Variants in NRG1 observed in about 807,000 individuals in gnomAD.
NRG1 encodes the protein neuregulin 1, also known as pro-neuregulin-1, membrane-bound isoform.
Under a neutral mutation model 63.8 loss-of-function variants are expected in NRG1, and 18 were observed. The ratio of observed to expected loss-of-function variants is 0.28; its 90% confidence interval spans 0.19 to 0.42. NRG1 has a LOEUF of 0.42. Among genes scored for constraint, NRG1 ranks in the 10% least tolerant of loss-of-function variants. The pLI, the probability that NRG1 is intolerant of heterozygous loss-of-function variation, is 1.00. For synonymous variants in NRG1, 302 were observed against 301.3 expected (o/e 1.00, Z -0.02); for missense variants, 762 against 814.7 (o/e 0.94, Z 0.79).
intron 1 of NRG1, among the ~76,000 whole-genome samples, chr8:32,433,627 A>G (rs554013073): frequency 6.6e-6 from 1 of 152,300 alleles, no homozygotes; most frequent in East Asian, 1.9e-4. Flanking sequence ...TGTAGCAGAT[A>G]AGTAGGAAAT....
At chr8:32,667,007 A>G (rs1804349934) in intron 5 of NRG1, among the ~76,000 whole-genome samples, 1 of 152,246 alleles carries the variant, frequency 6.6e-6, no homozygotes, top group Non-Finnish European at 1.5e-5. Context: ...ACTTAATGAC[A>G]AGGATATGTT....
intron 1 of NRG1, among the ~76,000 whole-genome samples, chr8:31,905,081 T>C (rs1490229826): frequency 1.3e-5 from 2 of 151,978 alleles, no homozygotes; most frequent in African/African-American, 2.4e-5. Context: ...GTGGACATCA[T>C]ACAAGCAGAA....
In NRG1 at chr8:31,825,335, C is replaced by T. The variant is rs976292424; in HGVS notation, c.37+185904C>T. 1.3e-4 allele frequency among the ~76,000 whole-genome samples: 20 copies of T among 151,062 alleles called. 1 individual carries two copies. Among genetic ancestry groups the T allele is most frequent in the Admixed American group, 7.9e-4 (12 of 15,134 alleles). On this transcript the variant is annotated intron_variant, in intron 1 of 10. Transcript: ENST00000519301. ...CCCGGGAGGCGCAGCTTGCAGTGAG[C>T]GGAGATCGCACCACTGCACTCCATC...
At chr8:32,704,998 G>A (rs1191350026) in intron 5 of NRG1, among the ~76,000 whole-genome samples, 2 of 152,006 alleles carry the variant, frequency 1.3e-5, no homozygotes, top group Non-Finnish European at 2.9e-5. Context: ...ATGTAGAGTT[G>A]TTTCTATTGT....
At chr8:32,342,543 G>C (rs1399606936) in intron 1 of NRG1, among the ~76,000 whole-genome samples, 2 of 152,186 alleles carry the variant, frequency 1.3e-5, no homozygotes, top group African/African-American at 4.8e-5. Flanking sequence ...ATAAGGGATA[G>C]AGCCAGAGTC....
In NRG1 at chr8:32,310,042, G is replaced by A. The variant is rs551941983; in HGVS notation, c.38-285786G>A. On this transcript the variant is annotated intron_variant, in intron 1 of 10. Transcript: ENST00000519301. ...TTTTTTCCCACAAGCGCGTGGCAGA[G>A]GTGGGCTGCCACAGGAGTGGCCAGT... Among the ~76,000 whole-genome samples, 11 of 152,352 alleles carry A rather than the reference G, an allele frequency of 7.2e-5. 1 individual carries two copies. The South Asian group carries it at 2.3e-3, about 32-fold the overall frequency.
At chr8:32,751,990 T>C (rs1416954433) in intron 7 of NRG1, among the ~76,000 whole-genome samples, 2 of 152,232 alleles carry the variant, frequency 1.3e-5, no homozygotes, top group Non-Finnish European at 2.9e-5. Flanking sequence ...GTTTCCTAGC[T>C]TCTTTCTAAA....
rs73580626 is a variant in NRG1 at position 31,921,122 on chromosome 8, A to C, written c.37+281691A>C. On this transcript the variant is annotated intron_variant, in intron 1 of 10. Transcript: ENST00000519301. ...AAATTACAATATGCAATACCTTCCT[A>C]CTGAGGTACCCATTACTGAATATTT... Among the ~76,000 whole-genome samples the C allele has an allele frequency of 7.6e-3, 1,155 of 152,244 alleles. 16 individuals are homozygous for C. Among genetic ancestry groups the C allele is most frequent in the African/African-American group, 0.027 (1,113 of 41,550 alleles).
intron 8 of NRG1, 21 bp downstream of exon 8, chr8:32,754,495 C>T: frequency 6.2e-7 from 1 of 1,606,862 alleles, no homozygotes; most frequent in Non-Finnish European, 8.5e-7. Context: ...TTTCTCCATG[C>T]CTTTCTCTCT....
chr8:32,339,114 A>T (rs1487858408), intron 1 of NRG1, among the ~76,000 whole-genome samples: 1 of 152,174 alleles, frequency 6.6e-6, no homozygotes, highest in African/African-American at 2.4e-5. Context: ...AGAAGAATAG[A>T]AATCATCTTT....
intron 1 of NRG1, among the ~76,000 whole-genome samples, chr8:31,655,208 A>G (rs1277076194): frequency 6.6e-6 from 1 of 152,214 alleles, no homozygotes; most frequent in African/African-American, 2.4e-5. Flanking sequence ...CTATTATTTG[A>G]TAGGCTTTGT....
At chr8:32,327,742 A>G (rs552730481) in intron 1 of NRG1, among the ~76,000 whole-genome samples, 2 of 152,294 alleles carry the variant, frequency 1.3e-5, no homozygotes, top group African/African-American at 4.8e-5. Context: ...CATATTGGAG[A>G]CCTTTATAAC....
At chr8:32,177,569 A>C (rs1328471349) in intron 1 of NRG1, among the ~76,000 whole-genome samples, 1 of 151,582 alleles carries the variant, frequency 6.6e-6, no homozygotes, top group African/African-American at 2.4e-5. Context: ...ACAGGCCCTG[A>C]TGTGTAATGT....
intron 1 of NRG1, among the ~76,000 whole-genome samples, chr8:31,965,162 T>C (rs758731768): frequency 6.6e-6 from 1 of 152,132 alleles, no homozygotes; most frequent in Non-Finnish European, 1.5e-5. Flanking sequence ...TACATTTTCT[T>C]TATCCTCTAA....
At chr8:31,870,135 G>C (rs967157564) in intron 1 of NRG1, among the ~76,000 whole-genome samples, 2 of 152,074 alleles carry the variant, frequency 1.3e-5, no homozygotes, top group African/African-American at 4.8e-5. Context: ...CTGGTTGCTA[G>C]TCTTCCCTTA....
chr8:32,706,884 T>C (rs1457886808), intron 5 of NRG1, among the ~76,000 whole-genome samples: 2 of 152,100 alleles, frequency 1.3e-5, no homozygotes, highest in Non-Finnish European at 2.9e-5. Context: ...GGGATTTCAA[T>C]AGAAAGAAAG....
At chr8:32,032,735 T>G (rs1265627676) in intron 1 of NRG1, among the ~76,000 whole-genome samples, 1 of 152,244 alleles carries the variant, frequency 6.6e-6, no homozygotes, top group African/African-American at 2.4e-5. Flanking sequence ...ACCTGTTCAC[T>G]CTAATGAAAA....
At chr8:31,910,269 G>T (rs896002539) in intron 1 of NRG1, among the ~76,000 whole-genome samples, 1 of 152,194 alleles carries the variant, frequency 6.6e-6, no homozygotes, top group Non-Finnish European at 1.5e-5. Context: ...TATGACCAGA[G>T]TGTAGATTGA....
intron 1 of NRG1, among the ~76,000 whole-genome samples, chr8:31,834,305 G>GTGCGTGCA (rs879917801): frequency 6.9e-5 from 10 of 144,244 alleles, no homozygotes; most frequent in African/African-American, 1.0e-4. Context: ...GCGCGCACGC[G>GTGCGTGCA]CGCACACACA....
Sources: allele counts gnomAD v4.1 joint callset (sites outside exome capture counted in the v4.1 genomes callset), GRCh38; gene constraint gnomAD v4.1.1; transcripts MANE v1.5; gene names NCBI Gene and HGNC (gene_info 2026-07-23, HGNC 2026-07-21).